SEMA3D: variants seen among roughly 807,000 people sequenced by gnomAD.
SEMA3D encodes the protein semaphorin 3D, also known as semaphorin-3D.
A neutral mutation model predicts 100.1 loss-of-function variants in SEMA3D; 84 were observed. The ratio of observed to expected loss-of-function variants is 0.84; its 90% CI spans 0.70 to 1.01. The LOEUF (loss-of-function observed/expected upper bound fraction) is 1.01, where lower values mean the gene tolerates loss of function less well. Among genes scored for constraint, SEMA3D ranks in the 50% least tolerant of loss-of-function variants. SEMA3D has a pLI of 0.00. For missense variants in SEMA3D, 875 were observed against 934.1 expected (o/e 0.94, Z 0.82); for synonymous variants, 312 against 320.7 (o/e 0.97, Z 0.29).
intron 9 of SEMA3D, among the ~76,000 whole-genome samples, chr7:85,049,754 A>G (rs368752105): frequency 7.9e-5 from 12 of 152,020 alleles, no homozygotes; most frequent in African/African-American, 2.9e-4. Flanking sequence ...AAATAGGACC[A>G]TATATCAAAA....
At chr7:85,033,527 C>T (rs376246988) in intron 12 of SEMA3D, among the ~76,000 whole-genome samples, 4 of 152,202 alleles carry the variant, frequency 2.6e-5, no homozygotes, top group South Asian at 4.1e-4. Context: ...AGCATGTAGT[C>T]ATTTCGATAC....
chr7:85,230,220 C>T, the SEMA3D span, among the ~76,000 whole-genome samples: 11 of 152,196 alleles, frequency 7.2e-5, no homozygotes, highest in African/African-American at 2.4e-4. Context: ...CCACTCTTCA[C>T]TCAGCTTTTT....
In SEMA3D at chr7:85,003,284, A is replaced by C. The variant is rs1265379177; in HGVS notation, c.1909-3419T>G. Among the ~76,000 whole-genome samples the C allele has an allele frequency of 3.3e-5, 5 of 152,220 alleles. No individual in the cohort carries two copies. In the South Asian group the frequency reaches 6.2e-4, roughly 19 times the overall value. ...CCGACAATTAATATTTTAAGTAAACATTAGAAAAGGGAAAACTTACTAAAG... is the reference window on the plus strand; with the variant it reads ...CCGACAATTAATATTTTAAGTAAACCTTAGAAAAGGGAAAACTTACTAAAG... On this transcript the variant is annotated intron_variant, in intron 18 of 18. Coordinates refer to ENST00000284136, the MANE Select transcript of SEMA3D (RefSeq NM_001384900.1).
At chr7:85,146,772 T>G (rs73181455) in intron 2 of SEMA3D, among the ~76,000 whole-genome samples, 1 of 152,002 alleles carries the variant, frequency 6.6e-6, no homozygotes, top group South Asian at 2.1e-4. Context: ...TCTCCAGATA[T>G]GTTTTGATGA....
chr7:85,231,901 A>G, the SEMA3D span, among the ~76,000 whole-genome samples: 2 of 152,212 alleles, frequency 1.3e-5, no homozygotes. Context: ...TAAAAAGAGG[A>G]AAAACATTTT....
chr7:85,199,764 G>A, the SEMA3D span, among the ~76,000 whole-genome samples: 1 of 152,062 alleles, frequency 6.6e-6, no homozygotes, highest in Non-Finnish European at 1.5e-5. Context: ...ATTTTCATCA[G>A]CTAAAATTGT....
rs1791297105 is a variant in SEMA3D at position 85,055,730 on chromosome 7, C to T, written c.848G>A (p.Gly283Glu). Residue 283 changes from glycine to glutamate, a missense_variant, in exon 9 of 19, where the codon GGA (glycine) becomes GAA (glutamate). Coordinates refer to ENST00000284136, the MANE Select transcript of SEMA3D (RefSeq NM_001384900.1). Reference protein sequence around the residue: ...TSDKTILSRVGRVCKNDVGGQ... With the variant: ...TSDKTILSRVERVCKNDVGGQ... ...AATATATCTTGCCTTACAAACTCTT[C>T]CAACTCGAGAAAGGATGGTTTTATC... 1.4e-6 allele frequency: 2 copies of T among 1,461,848 alleles called. No homozygotes were observed. Among genetic ancestry groups the T allele is most frequent in the Non-Finnish European group, 1.9e-6 (2 of 1,075,576 alleles). The allele number at this position is 1,461,848 out of a possible 1,614,324, so 90.6% of individuals were successfully genotyped here. A position where few individuals can be genotyped will look rare whatever the true frequency, so the allele number is the denominator to read the frequency against.
intron 4 of SEMA3D, among the ~76,000 whole-genome samples, chr7:85,092,713 A>G (rs1232191807): frequency 6.6e-6 from 1 of 152,058 alleles, no homozygotes. Context: ...GAACCAAGTT[A>G]TAAGACACTC....
rs149116144 is a variant in SEMA3D at position 85,099,263 on chromosome 7, A to T, written c.152-1298T>A. Among the ~76,000 whole-genome samples the T allele has an allele frequency of 4.9e-3, 742 of 151,978 alleles. 8 individuals carry two copies. Among genetic ancestry groups the T allele is most frequent in the African/African-American group, 0.017 (713 of 41,492 alleles). ...GGACCCGGTGGGAGATCATTGAATC[A>T]TGGGGGTGGTTTCCCCATACTGTTC... On this transcript the variant is annotated intron_variant, in intron 3 of 18. Coordinates refer to ENST00000284136, the MANE Select transcript of SEMA3D (RefSeq NM_001384900.1).
At chr7:85,109,988 T>C (rs1789047044) in intron 3 of SEMA3D, among the ~76,000 whole-genome samples, 1 of 151,988 alleles carries the variant, frequency 6.6e-6, no homozygotes, top group African/African-American at 2.4e-5. Flanking sequence ...AGACAAACCA[T>C]GCCCTTTCTA....
rs542894514 is a variant in SEMA3D, at chr7:84,999,817, G to A, written c.1957C>T (p.Arg653Ter). Residue 653 changes from arginine to a stop codon, truncating the protein, a stop_gained, in exon 19 of 19, where the codon CGA becomes TGA. Coordinates refer to ENST00000284136, the MANE Select transcript of SEMA3D (RefSeq NM_001384900.1). LOFTEE classifies it high-confidence loss of function. ...IIKTEYGLLI[R>*]SLQKKDSGMY... ...CCAGAATCCTTCTTCTGCAAACTTC[G>A]AATCAGTAGCCCATATTCCGTTTTG... 5.6e-6 allele frequency: 9 copies of A among 1,613,922 alleles called. No homozygotes were observed. The highest frequency in any genetic ancestry group is 2.2e-5 in the South Asian group (2 of 91,070).
intron 2 of SEMA3D, among the ~76,000 whole-genome samples, chr7:85,147,212 C>G (rs927704111): frequency 1.4e-5 from 2 of 140,186 alleles, no homozygotes; most frequent in African/African-American, 5.4e-5. Context: ...AAGTGTTGCT[C>G]TTGTCTCAGC....
intron 12 of SEMA3D, among the ~76,000 whole-genome samples, chr7:85,027,144 T>G (rs1790413250): frequency 6.6e-6 from 1 of 152,072 alleles, no homozygotes; most frequent in Non-Finnish European, 1.5e-5. Context: ...AAGATCTTTC[T>G]ACAACCGAAC....
the SEMA3D span, among the ~76,000 whole-genome samples, chr7:85,245,613 T>C: frequency 5.3e-5 from 8 of 152,198 alleles, no homozygotes; most frequent in East Asian, 1.3e-3. Context: ...ACATTTATCT[T>C]ACTTAGGATG....
chr7:85,065,829 TAA>T (rs1271381390), intron 7 of SEMA3D, among the ~76,000 whole-genome samples: 1 of 152,198 alleles, frequency 6.6e-6, no homozygotes, highest in African/African-American at 2.4e-5. Context: ...GAATAAATAA[TAA>T]GTGTTTCCTC....
intron 17 of SEMA3D, among the ~76,000 whole-genome samples, chr7:85,012,433 T>G (rs1789981227): frequency 6.6e-6 from 1 of 151,866 alleles, no homozygotes; most frequent in South Asian, 2.1e-4. Flanking sequence ...GAGGTCTATT[T>G]GAGTTTACTC....
At chr7:85,210,154 C>T in the SEMA3D span, among the ~76,000 whole-genome samples, 1 of 152,176 alleles carries the variant, frequency 6.6e-6, no homozygotes, top group East Asian at 1.9e-4. Context: ...CACAGCCTCT[C>T]TCAGCAGATG....
At chr7:85,111,067 T>C (rs972789418) in intron 3 of SEMA3D, among the ~76,000 whole-genome samples, 2 of 152,056 alleles carry the variant, frequency 1.3e-5, no homozygotes, top group African/African-American at 4.8e-5. Flanking sequence ...ATACTAGAAC[T>C]CCTAATTTTT....
chr7:85,059,969 C>T (rs1189795491), intron 8 of SEMA3D, among the ~76,000 whole-genome samples: 1 of 152,098 alleles, frequency 6.6e-6, no homozygotes, highest in Non-Finnish European at 1.5e-5. Context: ...GGCTATGATA[C>T]TAGTCTACAT....
Sources: allele counts gnomAD v4.1 joint callset (sites outside exome capture counted in the v4.1 genomes callset), GRCh38; gene constraint gnomAD v4.1.1; transcripts MANE v1.5; gene names NCBI Gene and HGNC (gene_info 2026-07-23, HGNC 2026-07-21).